Variants in HEBP2 observed in about 807,000 individuals in gnomAD.
HEBP2 encodes heme binding protein 2, also known as heme-binding protein 2.
Under a neutral mutation model 23.1 loss-of-function variants are expected in HEBP2, and 27 were observed. The observed-to-expected ratio is 1.17, with a 90% CI of 0.86 to 1.61. The LOEUF (loss-of-function observed/expected upper bound fraction) is 1.61. Ranked by LOEUF, HEBP2 falls within the 40% of genes most tolerant of loss-of-function variation. The probability of loss-of-function intolerance (pLI) is 0.00; values close to 1 mark genes in which losing one functional copy is unlikely to be tolerated. For synonymous variants in HEBP2, 99 were observed against 95.1 expected (o/e 1.04, Z -0.24); for missense variants, 245 against 253.8 (o/e 0.97, Z 0.24).
At position 138,406,190 on chromosome 6, in the gene HEBP2, T is replaced by C. The variant is rs1036815421; in HGVS notation, c.419+39T>C. 14 of 1,577,676 alleles carry C rather than the reference T, an allele frequency of 8.9e-6. No individual in the cohort carries two copies. In the African/African-American group the frequency reaches 1.8e-4, roughly 20 times the overall value. On this transcript the variant is annotated intron_variant, in intron 3 of 3. Transcript: ENST00000607197. The stretch of plus-strand genomic sequence containing the variant: ...AATTTATAGCCTTGCTGACTGCTAG[T>C]TTTACTTGCGTGCACTCACAGTTTA...
At position 138,416,934 on chromosome 6, in the gene HEBP2, T is replaced by G. The variant is rs1243458933; in HGVS notation, c.*3856T>G. On this transcript the variant is annotated 3_prime_UTR_variant, in exon 4 of 4. Coordinates refer to ENST00000607197, the MANE Select transcript of HEBP2 (RefSeq NM_014320.3). ...AGGTGACTGTATCCTAGGGGAAAGT[T>G]TCCTGCAACATTTCAGCAGGTGTAC... 1.3e-5 allele frequency: 2 copies of G among 152,196 alleles called. No homozygotes were observed. The highest frequency in any genetic ancestry group is 4.8e-5 in the African/African-American group (2 of 41,446). 9.4% of individuals were successfully genotyped at this position (152,196 alleles called of 1,614,324 possible). A position where few individuals can be genotyped will look rare whatever the true frequency, so the allele number is the denominator to read the frequency against.
intron 1 of HEBP2, 55 bp downstream of exon 1, chr6:138,404,652 G>C (rs1774605832): frequency 1.8e-6 from 2 of 1,123,760 alleles, no homozygotes; most frequent in Admixed American, 4.2e-5. Context: ...CTGATTTGCA[G>C]TGAGGCCAGC....
In HEBP2 at chr6:138,421,967, A is replaced by C. The variant is rs1202387136; in HGVS notation, c.*8889A>C. 6.6e-6 allele frequency: 1 copy of C among 152,186 alleles called. No homozygotes were observed. Among genetic ancestry groups the C allele is most frequent in the African/African-American group, 2.4e-5 (1 of 41,446 alleles). The allele number at this position is 152,186 out of a possible 1,614,324, so 9.4% of individuals were successfully genotyped here. A position where few individuals can be genotyped will look rare whatever the true frequency, so the allele number is the denominator to read the frequency against. On this transcript the variant is annotated 3_prime_UTR_variant, in exon 4 of 4. Coordinates refer to ENST00000607197, the MANE Select transcript of HEBP2 (RefSeq NM_014320.3). ...TCTGTTTGTATCCAGCAAAACACTC[A>C]ACAATTCTGTATAAGAACACCTATC...
At chr6:138,404,155 T>C, upstream of HEBP2, 1 of 237,076 alleles carries the variant, frequency 4.2e-6, no homozygotes, top group East Asian at 8.4e-5. Context: ...GTGCCTTTCC[T>C]TCAAAAACAA....
rs895882474 is a variant in HEBP2 at position 138,419,190 on chromosome 6, A to G, written c.*6112A>G. ...GAGGCTATGGATGGAACCCACCAACATGGGCTCCCACTTACCAAGGCCAAC... is the reference window on the plus strand; with the variant it reads ...GAGGCTATGGATGGAACCCACCAACGTGGGCTCCCACTTACCAAGGCCAAC... On this transcript the variant is annotated 3_prime_UTR_variant, in exon 4 of 4. Transcript: ENST00000607197. The G allele has an allele frequency of 6.6e-6, 1 of 152,222 alleles. No homozygotes were observed. The highest frequency in any genetic ancestry group is 1.5e-5 in the Non-Finnish European group (1 of 68,060). The allele number at this position is 152,222 out of a possible 1,614,324, so 9.4% of individuals were successfully genotyped here.
chr6:138,421,234 G>A lies in HEBP2; in HGVS notation c.*8156G>A, dbSNP rs1339583580. The A allele has an allele frequency of 6.6e-6, 1 of 151,672 alleles. No individual in the cohort carries two copies. Among genetic ancestry groups the A allele is most frequent in the East Asian group, 1.9e-4 (1 of 5,146 alleles). 9.4% of individuals were successfully genotyped at this position (151,672 alleles called of 1,614,324 possible). A position where few individuals can be genotyped will look rare whatever the true frequency, so the allele number is the denominator to read the frequency against. On this transcript the variant is annotated 3_prime_UTR_variant, in exon 4 of 4. Transcript: ENST00000607197. ...ATGATGGAATCAGCATCGCATGCAG[G>A]CTGAACCCCTACTACGGCAGAACCA...
At chr6:138,409,231 G>C (rs999864300) in intron 3 of HEBP2, among the ~76,000 whole-genome samples, 1 of 152,068 alleles carries the variant, frequency 6.6e-6, no homozygotes, top group Non-Finnish European at 1.5e-5. Context: ...GCCCAGGCTC[G>C]TCTTGAACTC....
rs1228887324 is a variant in HEBP2, at chr6:138,416,178, T to C, written c.*3100T>C. On this transcript the variant is annotated 3_prime_UTR_variant, in exon 4 of 4. Coordinates refer to ENST00000607197, the MANE Select transcript of HEBP2 (RefSeq NM_014320.3). ...AAGGGGCTGGGTTTATACAACTAGA[T>C]AAAGGAGAGGGTATATTGACTTGGG... 4 of 152,008 alleles carry C rather than the reference T, an allele frequency of 2.6e-5. No homozygotes were observed. Among genetic ancestry groups the C allele is most frequent in the South Asian group, 2.1e-4 (1 of 4,806 alleles). The allele number at this position is 152,008 out of a possible 1,614,324, so 9.4% of individuals were successfully genotyped here. A position where few individuals can be genotyped will look rare whatever the true frequency, so the allele number is the denominator to read the frequency against.
In HEBP2 at chr6:138,407,306, A is replaced by G. The variant is rs139306457; in HGVS notation, c.419+1155A>G. Among the ~76,000 whole-genome samples the G allele has an allele frequency of 3.3e-3, 497 of 152,340 alleles. 6 individuals carry two copies. The highest frequency in any genetic ancestry group is 0.011 in the African/African-American group (457 of 41,582). On this transcript the variant is annotated intron_variant, in intron 3 of 3. Transcript: ENST00000607197. Reference sequence around the variant, plus strand: ...ACATATTATATGCTTCCAAAATACAATGGTGGGACAGACATAGGATAAATA... The same window carrying G: ...ACATATTATATGCTTCCAAAATACAGTGGTGGGACAGACATAGGATAAATA...
At chr6:138,410,082 C>T (rs1316350106) in intron 3 of HEBP2, among the ~76,000 whole-genome samples, 2 of 152,166 alleles carry the variant, frequency 1.3e-5, no homozygotes, top group Non-Finnish European at 2.9e-5. Flanking sequence ...TCTGTGATGC[C>T]TTCTTCAATT....
At chr6:138,405,424 C>T (rs1774627755) in intron 2 of HEBP2, 144 bp downstream of exon 2, 9 of 1,010,848 alleles carry the variant, frequency 8.9e-6, no homozygotes, top group Middle Eastern at 2.7e-4. Flanking sequence ...AGACAAGACT[C>T]CTCAGGACCA....
chr6:138,408,489 C>G (rs777127754), intron 3 of HEBP2, among the ~76,000 whole-genome samples: 1 of 152,108 alleles, frequency 6.6e-6, no homozygotes, highest in Non-Finnish European at 1.5e-5. Flanking sequence ...CCATCCGAGA[C>G]CTTATGAGAA....
rs774138903 is a variant in HEBP2 at position 138,406,044 on chromosome 6, C to T, written c.312C>T (p.Thr104=). ...EPGSGPFSES[T]ITISLYIPSE... Reference sequence around the variant, plus strand: ...GTTCAGGTCCTTTTAGTGAGTCTACCATTACCATTTCCCTGTATATTCCCT... The same window carrying T: ...GTTCAGGTCCTTTTAGTGAGTCTACTATTACCATTTCCCTGTATATTCCCT... Residue 104 remains threonine, a synonymous_variant, in exon 3 of 4, where the codon ACC becomes ACT. Coordinates refer to ENST00000607197, the MANE Select transcript of HEBP2 (RefSeq NM_014320.3). 1 of 1,614,070 alleles carries T rather than the reference C, an allele frequency of 6.2e-7. No homozygotes were observed. The highest frequency in any genetic ancestry group is 8.5e-7 in the Non-Finnish European group (1 of 1,179,922).
Position 138,405,877 on chromosome 6 carries a change from G to A in HEBP2, c.239-94G>A, listed in dbSNP as rs1774635400. On this transcript the variant is annotated intron_variant, in intron 2 of 3. Coordinates refer to ENST00000607197, the MANE Select transcript of HEBP2 (RefSeq NM_014320.3). ...TTAAAGGTAAATATGTCAACAATGT[G>A]AAGTAAATCAAGGAACCCAGATCAA... 5 of 1,005,092 alleles carry A rather than the reference G, an allele frequency of 5.0e-6. No homozygotes were observed. The South Asian group carries it at 8.4e-5, about 17-fold the overall frequency. 62.3% of individuals were successfully genotyped at this position (1,005,092 alleles called of 1,614,324 possible). A position where few individuals can be genotyped will look rare whatever the true frequency, so the allele number is the denominator to read the frequency against.
At chr6:138,412,343 G>A (rs1266529344) in intron 3 of HEBP2, 1 of 233,660 alleles carries the variant, frequency 4.3e-6, no homozygotes, top group African/African-American at 2.4e-5. Context: ...GTCAACAGAT[G>A]GAAGGAGGGG....
intron 2 of HEBP2, among the ~76,000 whole-genome samples, chr6:138,405,523 C>G (rs12055377): frequency 2.0e-5 from 3 of 152,160 alleles, no homozygotes; most frequent in African/African-American, 4.8e-5. Flanking sequence ...AAGTCCTTTT[C>G]TATGGCTAAC....
chr6:138,417,937 C>T lies in HEBP2; in HGVS notation c.*4859C>T, dbSNP rs1360893816. ...TCCTCCAACAGGTGTTGCCTTAGTA[C>T]TGAGGTCAAATTGTCCCTAGACCAA... is the stretch of plus-strand genomic sequence containing the variant. On this transcript the variant is annotated 3_prime_UTR_variant, in exon 4 of 4. Transcript: ENST00000607197. 1 of 152,194 alleles carries T rather than the reference C, an allele frequency of 6.6e-6. No homozygotes were observed. The highest frequency in any genetic ancestry group is 2.4e-5 in the African/African-American group (1 of 41,434). The allele number at this position is 152,194 out of a possible 1,614,324, so 9.4% of individuals were successfully genotyped here. A position where few individuals can be genotyped will look rare whatever the true frequency, so the allele number is the denominator to read the frequency against.
At position 138,417,829 on chromosome 6, in the gene HEBP2, G is replaced by A. The variant is rs1019860197; in HGVS notation, c.*4751G>A. On this transcript the variant is annotated 3_prime_UTR_variant, in exon 4 of 4. Transcript: ENST00000607197. ...AAATTAGTAGAGCAAATAATTTACA[G>A]ATCATCTATGGGGCTGGGAAAAGTT... The A allele has an allele frequency of 1.1e-4, 17 of 152,202 alleles. No homozygotes were observed. Among genetic ancestry groups the A allele is most frequent in the African/African-American group, 3.9e-4 (16 of 41,446 alleles). The allele number at this position is 152,202 out of a possible 1,614,324, so 9.4% of individuals were successfully genotyped here. A position where few individuals can be genotyped will look rare whatever the true frequency, so the allele number is the denominator to read the frequency against.
chr6:138,404,094 C>A (rs891367584), upstream of HEBP2: 4 of 215,052 alleles, frequency 1.9e-5, no homozygotes, highest in African/African-American at 9.1e-5. Context: ...GTTCCCAAAC[C>A]GGTTGCACAG....
Sources: gnomAD v4.1 joint callset for allele counts (sites outside exome capture counted in the v4.1 genomes callset) on GRCh38, gnomAD v4.1.1 for gene constraint, MANE v1.5 for transcripts, NCBI Gene and HGNC (gene_info 2026-07-23, HGNC 2026-07-21) for gene names.